The following CMYA5 variants were observed in gnomAD, a reference collection of about 807,000 sequenced individuals.
CMYA5 encodes the protein cardiomyopathy-associated protein 5.
A neutral mutation model predicts 318.9 loss-of-function variants in CMYA5; 246 were observed. The observed-to-expected ratio is 0.77, with a 90% CI of 0.70 to 0.86. The LOEUF (loss-of-function observed/expected upper bound fraction) is 0.86. Ranked by LOEUF, CMYA5 falls within the 40% of genes least tolerant of loss-of-function variation. The pLI is 0.00. For synonymous variants in CMYA5, 1,641 were observed against 1,729.5 expected, an observed-to-expected ratio of 0.95 and a Z score of 1.27; for missense variants, 4,589 against 4,678.2, an observed-to-expected ratio of 0.98 and a Z score of 0.56.
At chr5:79,711,821 A>G (rs1327913414) in intron 1 of CMYA5, among the ~76,000 whole-genome samples, 1 of 152,210 alleles carries the variant, frequency 6.6e-6, no homozygotes, top group Non-Finnish European at 1.5e-5. Flanking sequence ...TTCTTGATGA[A>G]TTATTGGCAG....
Position 79,731,954 on chromosome 5 carries a change from G to A in CMYA5, c.3189G>A (p.Lys1063=), listed in dbSNP as rs1184375972. ...CTGAGCAGTTCAGTTCATCACAGAA[G>A]CAAAAAGCTGAAACTTTCCCTTTGA... ...PVSEQFSSSQ[K]QKAETFPLMS... is the part of the protein sequence containing the mutation. The change falls in exon 2 of 13, where the codon AAG becomes AAA. Residue 1063 remains lysine, a synonymous_variant. Transcript: ENST00000446378. The A allele has an allele frequency of 6.2e-7, 1 of 1,613,302 alleles. No homozygotes were observed. Among genetic ancestry groups the A allele is most frequent in the African/African-American group, 1.3e-5 (1 of 75,000 alleles).
At position 79,745,382 on chromosome 5, in the gene CMYA5, T is replaced by C. The variant is rs1828300179; in HGVS notation, c.10895T>C (p.Met3632Thr). Residue 3632 changes from methionine (M) to threonine (T), a missense_variant, in exon 4 of 13, where the codon ATG becomes ACG. Met to Thr is a moderately conservative substitution (Grantham distance 81). Transcript: ENST00000446378. ...HEQMVHFLQS[M>T]DTAKDTLETI... ...CAGATGGTCCACTTTCTGCAGAGCA[T>C]GGACACTGCCAAAGACACCCTGGAG... The C allele has an allele frequency of 6.2e-7, 1 of 1,613,954 alleles. No homozygotes were observed. The highest frequency in any genetic ancestry group is 8.5e-7 in the Non-Finnish European group (1 of 1,179,872).
At chr5:79,741,393 G>A (rs974371501) in intron 2 of CMYA5, among the ~76,000 whole-genome samples, 7 of 152,172 alleles carry the variant, frequency 4.6e-5, no homozygotes, top group African/African-American at 1.7e-4. Context: ...GATAATGGTA[G>A]TGATTTTCAA....
intron 1 of CMYA5, among the ~76,000 whole-genome samples, chr5:79,710,247 A>G (rs1355693741): frequency 6.6e-6 from 1 of 152,106 alleles, no homozygotes; most frequent in African/African-American, 2.4e-5. Context: ...AACTTTTTAT[A>G]AAATATGTTA....
intron 12 of CMYA5, among the ~76,000 whole-genome samples, chr5:79,796,204 C>A (rs1829272622): frequency 6.6e-6 from 1 of 152,130 alleles, no homozygotes; most frequent in Non-Finnish European, 1.5e-5. Context: ...CCCTCCAGAC[C>A]AGCGTTATGC....
chr5:79,725,774 C>T (rs745359168), intron 1 of CMYA5, among the ~76,000 whole-genome samples: 1 of 152,094 alleles, frequency 6.6e-6, no homozygotes, highest in Non-Finnish European at 1.5e-5. Flanking sequence ...CGTTATGACA[C>T]GCACCTGTAA....
At chr5:79,791,962 G>A (rs1035073022) in intron 11 of CMYA5, among the ~76,000 whole-genome samples, 3 of 152,136 alleles carry the variant, frequency 2.0e-5, no homozygotes, top group Non-Finnish European at 4.4e-5. Context: ...TGTAACACAC[G>A]GGAAACACAG....
At chr5:79,712,765 A>G (rs1827423265) in intron 1 of CMYA5, among the ~76,000 whole-genome samples, 1 of 152,218 alleles carries the variant, frequency 6.6e-6, no homozygotes, top group Non-Finnish European at 1.5e-5. Flanking sequence ...ATTTGCCCTC[A>G]TACTTCATGT....
chr5:79,756,303 C>T (rs1422859353), intron 6 of CMYA5, among the ~76,000 whole-genome samples: 1 of 152,202 alleles, frequency 6.6e-6, no homozygotes, highest in Non-Finnish European at 1.5e-5. Context: ...TCTGTGGCCT[C>T]TGTGGCTTTC....
chr5:79,762,137 G>C (rs1428095921), intron 8 of CMYA5, 180 bp downstream of exon 8: 1 of 576,260 alleles, frequency 1.7e-6, no homozygotes, highest in East Asian at 2.9e-5. Context: ...ATGCTCAGGT[G>C]GGGAGATGGA....
intron 9 of CMYA5, among the ~76,000 whole-genome samples, chr5:79,773,432 A>G (rs1828888949): frequency 6.6e-6 from 1 of 152,366 alleles, no homozygotes; most frequent in African/African-American, 2.4e-5. Flanking sequence ...AAACCTTCCC[A>G]TGGGTAACTC....
intron 1 of CMYA5, among the ~76,000 whole-genome samples, chr5:79,699,882 T>G (rs1827142274): frequency 6.6e-6 from 1 of 152,192 alleles, no homozygotes; most frequent in African/African-American, 2.4e-5. Flanking sequence ...CCCTAGTGCA[T>G]TTACATACTT....
intron 2 of CMYA5, among the ~76,000 whole-genome samples, chr5:79,742,048 C>CTCTTCTTCTTCTTCTTCTTCTTCT (rs200715392): frequency 5.9e-5 from 6 of 102,526 alleles, no homozygotes; most frequent in African/African-American, 3.0e-4. Flanking sequence ...CCTCTTTCTC[C>CTCTTCTTCTTCTTCTTCTTCTTCT]TCTTCTTCTT....
At chr5:79,789,569 C>G (rs1310622040) in intron 10 of CMYA5, among the ~76,000 whole-genome samples, 1 of 152,042 alleles carries the variant, frequency 6.6e-6, no homozygotes, top group African/African-American at 2.4e-5. Flanking sequence ...GAATTACAGG[C>G]ACGTCCACCA....
At chr5:79,708,865 C>A (rs545302879) in intron 1 of CMYA5, among the ~76,000 whole-genome samples, 1 of 152,040 alleles carries the variant, frequency 6.6e-6, no homozygotes, top group Non-Finnish European at 1.5e-5. Context: ...ACCTGGGAGG[C>A]GGAGGTTGCA....
chr5:79,791,297 A>G (rs1829174466), intron 11 of CMYA5, among the ~76,000 whole-genome samples: 1 of 152,244 alleles, frequency 6.6e-6, no homozygotes. Context: ...AAATATAAGC[A>G]CAGATGGTTT....
At chr5:79,703,871 G>C (rs990428353) in intron 1 of CMYA5, among the ~76,000 whole-genome samples, 4 of 152,232 alleles carry the variant, frequency 2.6e-5, no homozygotes, top group Non-Finnish European at 5.9e-5. Flanking sequence ...CAGAAGGATT[G>C]ATTGAGCCCA....
At position 79,746,387 on chromosome 5, in the gene CMYA5, A is replaced by G. The variant is rs137980984; in HGVS notation, c.10969-704A>G. The stretch of plus-strand genomic sequence containing the variant: ...GCCATTCTCAAAGAGAACTAAACTC[A>G]TTACATTGTTTTGTGTGTAATTAAG... On this transcript the variant is annotated intron_variant, in intron 4 of 12. Transcript: ENST00000446378. 4.9e-3 allele frequency among the ~76,000 whole-genome samples: 747 copies of G among 152,260 alleles called. 3 individuals are homozygous for G. The highest frequency in any genetic ancestry group is 0.024 in the Middle Eastern group (7 of 294).
intron 1 of CMYA5, among the ~76,000 whole-genome samples, chr5:79,691,287 G>A (rs915701469): frequency 3.3e-5 from 5 of 152,216 alleles, no homozygotes; most frequent in Non-Finnish European, 1.5e-5. Context: ...CCTTGGCAGT[G>A]TTGAGAAGGG....
Sources: gnomAD v4.1 joint callset for allele counts (sites outside exome capture counted in the v4.1 genomes callset) on GRCh38, gnomAD v4.1.1 for gene constraint, MANE v1.5 for transcripts, NCBI Gene and HGNC (gene_info 2026-07-23, HGNC 2026-07-21) for gene names.